LMOD1: variants seen among roughly 807,000 people sequenced by gnomAD.
LMOD1 encodes the protein leiomodin 1.
LMOD1 carries 8 observed loss-of-function variants against 36.5 expected under a neutral mutation model. That is an observed-to-expected ratio of 0.22 (90% confidence interval 0.13 to 0.40). LMOD1 has a LOEUF of 0.40. Ranked by LOEUF, LMOD1 falls within the 10% of genes least tolerant of loss-of-function variation. The pLI is 1.00. For missense variants in LMOD1, 630 were observed against 751.1 expected (o/e 0.84, Z 1.88); for synonymous variants, 284 against 288.7 (o/e 0.98, Z 0.17).
At chr1:201,901,553 CATATATA>C (rs1681310298) in intron 1 of LMOD1, among the ~76,000 whole-genome samples, 1 of 38,358 alleles carries the variant, frequency 2.6e-5, no homozygotes, top group Non-Finnish European at 4.7e-5. Context: ...TATATATATA[CATATATA>C]TATGTATATA....
At chr1:201,930,192 T>A (rs1222951223) in intron 1 of LMOD1, among the ~76,000 whole-genome samples, 1 of 152,180 alleles carries the variant, frequency 6.6e-6, no homozygotes, top group East Asian at 1.9e-4. Context: ...TGCTAAGAAG[T>A]GTGAATTTGA....
At chr1:201,907,586 C>A (rs1394750853) in intron 1 of LMOD1, among the ~76,000 whole-genome samples, 3 of 152,216 alleles carry the variant, frequency 2.0e-5, no homozygotes, top group African/African-American at 7.2e-5. Flanking sequence ...GGAGACCTGC[C>A]TGGAGGGCTA....
chr1:201,929,071 A>G (rs569559605), intron 1 of LMOD1, among the ~76,000 whole-genome samples: 1 of 151,384 alleles, frequency 6.6e-6, no homozygotes, highest in African/African-American at 2.4e-5. Flanking sequence ...CCCAGGGATC[A>G]TAGGTGGACT....
intron 1 of LMOD1, among the ~76,000 whole-genome samples, chr1:201,925,115 G>A (rs527377722): frequency 6.6e-6 from 1 of 152,146 alleles, no homozygotes; most frequent in East Asian, 1.9e-4. Flanking sequence ...ATGAGGCTCA[G>A]GCAGGAGAAT....
intron 1 of LMOD1, among the ~76,000 whole-genome samples, chr1:201,940,993 C>T (rs562176128): frequency 2.0e-5 from 3 of 151,672 alleles, no homozygotes; most frequent in Non-Finnish European, 2.9e-5. Context: ...GTGATCCACC[C>T]GCCTTGGCCT....
chr1:201,911,597 G>A (rs1228247594), intron 1 of LMOD1, among the ~76,000 whole-genome samples: 2 of 152,136 alleles, frequency 1.3e-5, no homozygotes, highest in Non-Finnish European at 2.9e-5. Context: ...CCCGGGAGGT[G>A]AAGGTTGCAG....
rs2047261 is a variant in LMOD1 at position 201,914,877 on chromosome 1, G to A, written c.262-14126C>T. 3.7e-4 allele frequency among the ~76,000 whole-genome samples: 56 copies of A among 150,916 alleles called. No homozygotes were observed. In the South Asian group the frequency reaches 8.2e-3, roughly 22 times the overall value. ...CCCTTTAAACCTGCCCATCTCTCCCGGTTAATCAGATCCTCCTTCTGTCCA... is the reference window on the plus strand; with the variant it reads ...CCCTTTAAACCTGCCCATCTCTCCCAGTTAATCAGATCCTCCTTCTGTCCA... On this transcript the variant is annotated intron_variant, in intron 1 of 2. Coordinates refer to ENST00000367288, the MANE Select transcript of LMOD1 (RefSeq NM_012134.3).
rs1046648865 is a variant in LMOD1, at chr1:201,921,539, G to T, written c.262-20788C>A. 8.1e-5 allele frequency among the ~76,000 whole-genome samples: 12 copies of T among 148,458 alleles called. No homozygotes were observed. In the Admixed American group the frequency reaches 8.1e-4, roughly 10 times the overall value. ...ATCTGGGGCTCAGAAAGGAGATCTA[G>T]GCTTGACAGGTAGGTTTGGGAGTCA... On this transcript the variant is annotated intron_variant, in intron 1 of 2. Coordinates refer to ENST00000367288, the MANE Select transcript of LMOD1 (RefSeq NM_012134.3).
chr1:201,926,274 A>G (rs1412934212), intron 1 of LMOD1, among the ~76,000 whole-genome samples: 2 of 152,140 alleles, frequency 1.3e-5, no homozygotes, highest in Non-Finnish European at 2.9e-5. Flanking sequence ...CTGCGTTTCC[A>G]GTGCCCAGTG....
In LMOD1 at chr1:201,919,228, T is replaced by G. The variant is rs559673085; in HGVS notation, c.262-18477A>C. On this transcript the variant is annotated intron_variant, in intron 1 of 2. Transcript: ENST00000367288. ...TAAAAGACAGAAACTTTTTTTTTTT[T>G]GGGGGGTCAGAGCCTCAGTCCTTCA... 8.3e-3 allele frequency among the ~76,000 whole-genome samples: 1,253 copies of G among 150,312 alleles called. 16 individuals carry two copies. Among genetic ancestry groups the G allele is most frequent in the African/African-American group, 0.026 (1,053 of 40,802 alleles).
chr1:201,898,448 A>C, intron 2 of LMOD1, 50 bp from the exon 3 acceptor site: 1 of 1,548,912 alleles, frequency 6.5e-7, no homozygotes, highest in Non-Finnish European at 8.8e-7. Flanking sequence ...CAGCCACCTC[A>C]CCTCCCTCCC....
intron 1 of LMOD1, among the ~76,000 whole-genome samples, chr1:201,931,190 G>T (rs1390915964): frequency 1.3e-5 from 2 of 152,194 alleles, no homozygotes; most frequent in African/African-American, 4.8e-5. Context: ...TAAAAAGTGG[G>T]TTTGGGTAAT....
intron 1 of LMOD1, among the ~76,000 whole-genome samples, chr1:201,927,404 A>G (rs1171456557): frequency 6.6e-6 from 1 of 152,082 alleles, no homozygotes; most frequent in East Asian, 1.9e-4. Context: ...CATCTCTACT[A>G]AAAATACAAA....
intron 1 of LMOD1, among the ~76,000 whole-genome samples, chr1:201,917,955 C>A (rs914299988): frequency 6.6e-6 from 1 of 152,342 alleles, no homozygotes. Context: ...TGTCTGACCT[C>A]TGCAGTGCTC....
At chr1:201,915,684 A>C (rs1046583508) in intron 1 of LMOD1, among the ~76,000 whole-genome samples, 3 of 152,014 alleles carry the variant, frequency 2.0e-5, no homozygotes, top group Non-Finnish European at 4.4e-5. Flanking sequence ...AAATCGACCT[A>C]TTATATACTC....
At chr1:201,926,765 C>T (rs1681832121) in intron 1 of LMOD1, among the ~76,000 whole-genome samples, 1 of 152,100 alleles carries the variant, frequency 6.6e-6, no homozygotes, top group Non-Finnish European at 1.5e-5. Flanking sequence ...AACTGTAATC[C>T]CAGCACTTTG....
rs558572291 is a variant in LMOD1, at chr1:201,937,709, T to G, written c.261+8371A>C. Among the ~76,000 whole-genome samples, 47 of 152,264 alleles carry G rather than the reference T, an allele frequency of 3.1e-4. 1 individual carries two copies. The South Asian group carries it at 9.8e-3, about 32-fold the overall frequency. On this transcript the variant is annotated intron_variant, in intron 1 of 2. Coordinates refer to ENST00000367288, the MANE Select transcript of LMOD1 (RefSeq NM_012134.3). ...TGAGCCCATGAGATGGAAGTTGCAGTGAGCCAAGATCATGCTACTGCACTC... is the reference window on the plus strand; with the variant it reads ...TGAGCCCATGAGATGGAAGTTGCAGGGAGCCAAGATCATGCTACTGCACTC...
At chr1:201,901,585 C>T (rs28703196) in intron 1 of LMOD1, among the ~76,000 whole-genome samples, 219 of 4,746 alleles carry the variant, frequency 0.046, 4 homozygotes, top group Non-Finnish European at 0.061. Flanking sequence ...TATATATATA[C>T]ATATATATAT....
chr1:201,928,209 A>G (rs994284980), intron 1 of LMOD1, among the ~76,000 whole-genome samples: 1 of 152,240 alleles, frequency 6.6e-6, no homozygotes, highest in Non-Finnish European at 1.5e-5. Flanking sequence ...CACAGTCTGT[A>G]GTATTTTTTT....
Sources: allele counts gnomAD v4.1 joint callset (sites outside exome capture counted in the v4.1 genomes callset), GRCh38; gene constraint gnomAD v4.1.1; transcripts MANE v1.5; gene names NCBI Gene and HGNC (gene_info 2026-07-23, HGNC 2026-07-21).